Variants in MARCHF10 observed in about 807,000 individuals in gnomAD.
MARCHF10 encodes the protein membrane associated ring-CH-type finger 10.
MARCHF10 carries 64 observed loss-of-function variants against 76.2 expected under a neutral mutation model. The observed-to-expected ratio is 0.84, with a 90% CI of 0.69 to 1.03. MARCHF10 has a LOEUF of 1.03. MARCHF10 is among the 50% of genes least tolerant of loss of function. MARCHF10 has a pLI of 0.00. For missense variants in MARCHF10, 875 were observed against 958.0 expected (o/e 0.91, Z 1.14); for synonymous variants, 340 against 357.5 (o/e 0.95, Z 0.55).
chr17:62,789,024 C>T (rs569267183), intron 2 of MARCHF10, among the ~76,000 whole-genome samples: 1 of 126,316 alleles, frequency 7.9e-6, no homozygotes. Context: ...GATTGCGCCA[C>T]TGCAGTCCGC....
chr17:62,735,883 T>C (rs2091239902), intron 6 of MARCHF10, 48 bp downstream of exon 6: 1 of 1,545,218 alleles, frequency 6.5e-7, no homozygotes, highest in African/African-American at 1.4e-5. Context: ...AATGCTAATT[T>C]TGGCCTTGGG....
intron 4 of MARCHF10, among the ~76,000 whole-genome samples, chr17:62,754,759 G>A (rs1319066392): frequency 6.6e-6 from 1 of 152,080 alleles, no homozygotes; most frequent in Non-Finnish European, 1.5e-5. Context: ...AAAAGTGGGA[G>A]TATCCACTTA....
intron 10 of MARCHF10, among the ~76,000 whole-genome samples, chr17:62,704,017 G>T (rs971725080): frequency 6.6e-6 from 1 of 152,068 alleles, no homozygotes; most frequent in Non-Finnish European, 1.5e-5. Flanking sequence ...ACCGGGAAAA[G>T]CGAGGCGTCT....
chr17:62,701,709 G>T lies in MARCHF10; in HGVS notation c.2421C>A (p.Val807=). 1 of 1,614,102 alleles carries T rather than the reference G, an allele frequency of 6.2e-7. No individual in the cohort carries two copies. Among genetic ancestry groups the T allele is most frequent in the East Asian group, 2.2e-5 (1 of 44,880 alleles). ...TCCACAGTTGGCTTCCTTGCTAGAC[G>T]ACCTGGCTTTGAGAAATGCTGCCTT... ...GNEGSISQSQ[V]V is the part of the protein sequence containing the mutation. The change falls in exon 11 of 11, where the codon GTC becomes GTA. Residue 807 remains valine (V), a synonymous_variant. Coordinates refer to ENST00000311269, the MANE Select transcript of MARCHF10 (RefSeq NM_152598.4).
chr17:62,769,056 G>C (rs1338473922), intron 3 of MARCHF10, among the ~76,000 whole-genome samples: 1 of 152,182 alleles, frequency 6.6e-6, no homozygotes, highest in Non-Finnish European at 1.5e-5. Flanking sequence ...CTCTAAATTT[G>C]ATTGCTCCTC....
chr17:62,805,491 G>T lies in MARCHF10; in HGVS notation c.-18+2586C>A, dbSNP rs573726522. 5.3e-4 allele frequency among the ~76,000 whole-genome samples: 81 copies of T among 152,266 alleles called. 1 individual carries two copies. Among genetic ancestry groups the T allele is most frequent in the African/African-American group, 1.8e-3 (76 of 41,566 alleles). ...GTTGCCAAAGTTAATATAGAAAGCCGGTTAATCTATCACGGCTTTAGAGCA... is the reference window on the plus strand; with the variant it reads ...GTTGCCAAAGTTAATATAGAAAGCCTGTTAATCTATCACGGCTTTAGAGCA... On this transcript the variant is annotated intron_variant, in intron 1 of 10. Transcript: ENST00000311269.
chr17:62,763,953 G>A (rs1480174956), intron 3 of MARCHF10, among the ~76,000 whole-genome samples: 3 of 152,086 alleles, frequency 2.0e-5, no homozygotes, highest in Non-Finnish European at 2.9e-5. Flanking sequence ...AGGGCTACGC[G>A]CTTTCAAAAG....
chr17:62,800,500 T>TCA (rs1255825227), intron 2 of MARCHF10, among the ~76,000 whole-genome samples: 6 of 152,196 alleles, frequency 3.9e-5, no homozygotes, highest in Non-Finnish European at 8.8e-5. Flanking sequence ...TTGCTGACTC[T>TCA]GTTTCCAGCC....
Position 62,736,206 on chromosome 17 carries a change from C to A in MARCHF10, c.1662G>T (p.Gln554His), listed in dbSNP as rs1366229327. 1.2e-6 allele frequency: 2 copies of A among 1,614,076 alleles called. No homozygotes were observed. Among genetic ancestry groups the A allele is most frequent in the Admixed American group, 1.7e-5 (1 of 59,998 alleles). ...AGAGATCTGTATATAGTGGAGCCCC[C>A]TGAGGCTGGCTTGTTAAAGTAGTAT... Reference protein sequence around the residue: ...AEDTTLTSQPQGAPLYTDLLL... With the variant: ...AEDTTLTSQPHGAPLYTDLLL... Residue 554 changes from glutamine (Q) to histidine (H), a missense_variant, in exon 6 of 11, where the codon CAG (glutamine) becomes CAT (histidine). Physicochemically the swap from Gln to His is conservative, Grantham distance 24. Transcript: ENST00000311269.
intron 6 of MARCHF10, among the ~76,000 whole-genome samples, chr17:62,725,798 G>A (rs1481993061): frequency 6.6e-6 from 1 of 152,232 alleles, no homozygotes; most frequent in East Asian, 1.9e-4. Flanking sequence ...GCCAGCCTCT[G>A]AAACTTGTGA....
At chr17:62,771,357 G>C (rs1403204147) in intron 3 of MARCHF10, among the ~76,000 whole-genome samples, 1 of 151,862 alleles carries the variant, frequency 6.6e-6, no homozygotes, top group East Asian at 1.9e-4. Flanking sequence ...GGTGAGTGCT[G>C]CAAGGGGAGG....
At chr17:62,705,068 C>T (rs1246994462) in intron 10 of MARCHF10, 1 of 1,026,996 alleles carries the variant, frequency 9.7e-7, no homozygotes, top group Admixed American at 5.8e-5. Context: ...TTTGTTCAAC[C>T]TCTGAATTCA....
intron 2 of MARCHF10, among the ~76,000 whole-genome samples, chr17:62,792,584 C>T (rs2092866013): frequency 1.3e-5 from 2 of 150,404 alleles, no homozygotes; most frequent in Admixed American, 1.3e-4. Context: ...CCACAACCAT[C>T]ACCACCCACC....
chr17:62,741,784 T>A (rs2147846655), intron 5 of MARCHF10, among the ~76,000 whole-genome samples: 1 of 152,178 alleles, frequency 6.6e-6, no homozygotes, highest in East Asian at 1.9e-4. Context: ...AAGCTCTGCC[T>A]CCCGGGTTCA....
chr17:62,714,934 C>T (rs558130218), intron 8 of MARCHF10, among the ~76,000 whole-genome samples: 26 of 152,170 alleles, frequency 1.7e-4, no homozygotes, highest in African/African-American at 7.2e-5. Flanking sequence ...TTAGTAGAGA[C>T]GGGGTTTCAC....
At chr17:62,805,439 C>T (rs983503435) in intron 1 of MARCHF10, among the ~76,000 whole-genome samples, 2 of 152,146 alleles carry the variant, frequency 1.3e-5, no homozygotes, top group African/African-American at 4.8e-5. Flanking sequence ...GGGAGCATCC[C>T]AGAGTCCACT....
intron 6 of MARCHF10, among the ~76,000 whole-genome samples, chr17:62,730,785 T>G (rs2090992127): frequency 6.6e-6 from 1 of 151,978 alleles, no homozygotes; most frequent in Non-Finnish European, 1.5e-5. Context: ...TCCCAGCTAC[T>G]CGGGAGGCTG....
chr17:62,720,213 C>T (rs1197479820), intron 8 of MARCHF10, among the ~76,000 whole-genome samples: 1 of 152,150 alleles, frequency 6.6e-6, no homozygotes, highest in African/African-American at 2.4e-5. Context: ...TGCTTTTCAC[C>T]TTTGAGTATG....
intron 4 of MARCHF10, among the ~76,000 whole-genome samples, chr17:62,745,744 A>G (rs762489296): frequency 2.0e-5 from 3 of 152,032 alleles, no homozygotes; most frequent in Non-Finnish European, 4.4e-5. Context: ...TTTAATCTAC[A>G]TTTTGAATTG....
Sources: allele counts gnomAD v4.1 joint callset (sites outside exome capture counted in the v4.1 genomes callset), GRCh38; gene constraint gnomAD v4.1.1; transcripts MANE v1.5; gene names NCBI Gene and HGNC (gene_info 2026-07-23, HGNC 2026-07-21).